ZSCAN1: variants seen among roughly 807,000 people sequenced by gnomAD.
The protein encoded by ZSCAN1 is zinc finger and SCAN domain-containing protein 1.
ZSCAN1 carries 23 observed loss-of-function variants against 23.8 expected under a neutral mutation model. The observed-to-expected ratio is 0.97, with a 90% CI of 0.70 to 1.37. ZSCAN1 has a LOEUF of 1.37. ZSCAN1 is among the 40% of genes most tolerant of loss of function. The pLI is 0.00. For missense variants in ZSCAN1, 575 were observed against 554.0 expected, an observed-to-expected ratio of 1.04 and a Z score of -0.38; for synonymous variants, 236 against 232.3, an observed-to-expected ratio of 1.02 and a Z score of -0.15.
At chr19:58,038,550 C>A (rs897857238) in intron 3 of ZSCAN1, 1 of 547,972 alleles carries the variant, frequency 1.8e-6, no homozygotes, top group South Asian at 2.6e-5. Context: ...CCTCCTGCAA[C>A]ACTCAGGAAT....
chr19:58,045,302 A>G lies in ZSCAN1; in HGVS notation c.465+4758A>G. 4 of 792,228 alleles carry G rather than the reference A, an allele frequency of 5.0e-6. No homozygotes were observed. The highest frequency in any genetic ancestry group is 1.3e-5 in the South Asian group (1 of 74,832). 49.1% of individuals were successfully genotyped at this position (792,228 alleles called of 1,614,324 possible). A position where few individuals can be genotyped will look rare whatever the true frequency, so the allele number is the denominator to read the frequency against. On this transcript the variant is annotated intron_variant, in intron 4 of 5. Coordinates refer to ENST00000282326, the MANE Select transcript of ZSCAN1 (RefSeq NM_182572.4). The surrounding 1 kb of genome is among the most constrained non-coding windows in gnomAD (Gnocchi z 4.3). ...TCTTCCCCAACATGTTGCCATCCAC[A>G]TCCGAGACTCAGTCCATCAAGGAGA...
chr19:58,046,666 G>A (rs1220427184), intron 4 of ZSCAN1: 14 of 875,362 alleles, frequency 1.6e-5, no homozygotes, highest in Non-Finnish European at 2.6e-5. Context: ...AGATGTTCAC[G>A]TCTCCACCAG....
intron 4 of ZSCAN1, among the ~76,000 whole-genome samples, chr19:58,041,620 C>A (rs2073790337): frequency 6.6e-6 from 1 of 152,222 alleles, no homozygotes; most frequent in African/African-American, 2.4e-5. Flanking sequence ...GTAATCCCAG[C>A]ACTTTGAGTG....
intron 4 of ZSCAN1, among the ~76,000 whole-genome samples, chr19:58,042,033 A>G (rs1351890600): frequency 6.6e-6 from 1 of 152,234 alleles, no homozygotes; most frequent in Admixed American, 6.5e-5. Context: ...AGGAAGAGGA[A>G]CAGGCTATGA....
At position 58,053,542 on chromosome 19, in the gene ZSCAN1, G is replaced by C; in HGVS notation, c.718G>C (p.Gly240Arg). 6.2e-7 allele frequency: 1 copy of C among 1,614,152 alleles called. No homozygotes were observed. The highest frequency in any genetic ancestry group is 8.5e-7 in the Non-Finnish European group (1 of 1,180,030). ...AEGTVISSPKGPSAQRISPRR... is the reference protein window; with the variant it reads ...AEGTVISSPKRPSAQRISPRR... The stretch of plus-strand genomic sequence containing the variant: ...AGGGACTGTGATCTCGAGCCCCAAG[G>C]GTCCAAGTGCTCAGAGAATCAGTCC... The change falls in exon 6 of 6, where the codon GGT becomes CGT. Residue 240 changes from glycine (G) to arginine (R), a missense_variant. Physicochemically the swap from Gly to Arg is moderately radical, Grantham distance 125. Transcript: ENST00000282326. This position sits in a 1 kb window ranked among gnomAD's most constrained non-coding sequence, Gnocchi z 5.8.
At position 58,053,427 on chromosome 19, in the gene ZSCAN1, A is replaced by G. The variant is rs768870699; in HGVS notation, c.605-2A>G. On this transcript the variant is annotated splice_acceptor_variant, in intron 5 of 5. Coordinates refer to ENST00000282326, the MANE Select transcript of ZSCAN1 (RefSeq NM_182572.4). LOFTEE classifies it high-confidence loss of function. This position sits in a 1 kb window ranked among gnomAD's most constrained non-coding sequence, Gnocchi z 5.8. ...GTGACCCATCTCCCTCGCCCTCCACAGGGTCCCGGGCCCGCTTGCCTCTGA... is the reference window on the plus strand; with the variant it reads ...GTGACCCATCTCCCTCGCCCTCCACGGGGTCCCGGGCCCGCTTGCCTCTGA... 1 of 1,605,762 alleles carries G rather than the reference A, an allele frequency of 6.2e-7. No homozygotes were observed. The highest frequency in any genetic ancestry group is 8.5e-7 in the Non-Finnish European group (1 of 1,174,162).
At chr19:58,043,687 T>C (rs956889741) in intron 4 of ZSCAN1, among the ~76,000 whole-genome samples, 5 of 152,098 alleles carry the variant, frequency 3.3e-5, no homozygotes, top group African/African-American at 7.2e-5. Context: ...TCTCACTCTG[T>C]CACCCAGGCT....
chr19:58,050,435 C>G (rs958978450), intron 4 of ZSCAN1, among the ~76,000 whole-genome samples: 1 of 152,014 alleles, frequency 6.6e-6, no homozygotes, highest in African/African-American at 2.4e-5. Context: ...GACCCTGTCT[C>G]TAAATAAATA....
In ZSCAN1 at chr19:58,045,209, C is replaced by T. The variant is rs946050432; in HGVS notation, c.465+4665C>T. The T allele has an allele frequency of 1.2e-6, 1 of 856,342 alleles. No individual in the cohort carries two copies. Among genetic ancestry groups the T allele is most frequent in the African/African-American group, 1.7e-5 (1 of 60,414 alleles). 53.0% of individuals were successfully genotyped at this position (856,342 alleles called of 1,614,324 possible). A position where few individuals can be genotyped will look rare whatever the true frequency, so the allele number is the denominator to read the frequency against. ...TCCGGTTCTGTGCCGACCTCTTCCG[C>T]CTGGTGCCGTTCCTCCTGTTCGTGG... On this transcript the variant is annotated intron_variant, in intron 4 of 5. Transcript: ENST00000282326. This position sits in a 1 kb window ranked among gnomAD's most constrained non-coding sequence, Gnocchi z 4.3.
chr19:58,055,407 G>A (rs371980736), downstream of ZSCAN1, among the ~76,000 whole-genome samples: 1 of 152,148 alleles, frequency 6.6e-6, no homozygotes, highest in African/African-American at 2.4e-5. Flanking sequence ...CTTGCTTCCC[G>A]GCTCCCTCAG....
chr19:58,039,923 G>A (rs1441261057), intron 3 of ZSCAN1, among the ~76,000 whole-genome samples: 1 of 152,128 alleles, frequency 6.6e-6, no homozygotes, highest in African/African-American at 2.4e-5. Context: ...TAAATAGGGG[G>A]GGGTCTTGCT....
chr19:58,037,269 TA>T (rs951589584), intron 2 of ZSCAN1, among the ~76,000 whole-genome samples: 20 of 152,194 alleles, frequency 1.3e-4, no homozygotes, highest in African/African-American at 4.6e-4. Flanking sequence ...AGAGAATCTT[TA>T]CATCCCTGTA....
In ZSCAN1 at chr19:58,044,558, G is replaced by T; in HGVS notation, c.465+4014G>T. Reference sequence around the variant, plus strand: ...GGAGAAGGAGGAGGAGCCAGCGCAGGAGGCCCGAGCGGCCGCCACGCCCGG... The same window carrying T: ...GGAGAAGGAGGAGGAGCCAGCGCAGTAGGCCCGAGCGGCCGCCACGCCCGG... On this transcript the variant is annotated intron_variant, in intron 4 of 5. Coordinates refer to ENST00000282326, the MANE Select transcript of ZSCAN1 (RefSeq NM_182572.4). 7 of 596,874 alleles carry T rather than the reference G, an allele frequency of 1.2e-5. No homozygotes were observed. In the South Asian group the frequency reaches 1.5e-4, roughly 12 times the overall value. 37.0% of individuals were successfully genotyped at this position (596,874 alleles called of 1,614,324 possible).
chr19:58,045,768 G>A lies in ZSCAN1; in HGVS notation c.465+5224G>A. Reference sequence around the variant, plus strand: ...ACCTGAGGGGCCAGCTGAAGCAGTGGCTGGACCTGCACCTGCATCAGGAGA... The same window carrying A: ...ACCTGAGGGGCCAGCTGAAGCAGTGACTGGACCTGCACCTGCATCAGGAGA... On this transcript the variant is annotated intron_variant, in intron 4 of 5. Coordinates refer to ENST00000282326, the MANE Select transcript of ZSCAN1 (RefSeq NM_182572.4). The surrounding 1 kb of genome is among the most constrained non-coding windows in gnomAD (Gnocchi z 4.3). 1 of 1,546,134 alleles carries A rather than the reference G, an allele frequency of 6.5e-7. No individual in the cohort carries two copies. The highest frequency in any genetic ancestry group is 8.9e-7 in the Non-Finnish European group (1 of 1,119,096).
intron 4 of ZSCAN1, among the ~76,000 whole-genome samples, chr19:58,050,634 C>T (rs1478270177): frequency 6.6e-6 from 1 of 151,630 alleles, no homozygotes; most frequent in Non-Finnish European, 1.5e-5. Context: ...GATTCTCCTG[C>T]CTCAGCCTCC....
Position 58,045,930 on chromosome 19 carries a change from G to T in ZSCAN1, c.465+5386G>T. ...AAGCACAGGTGAAAGTGGCCGAGGT[G>T]GAGGGCAAGCAGGTGGACAAGGCCA... On this transcript the variant is annotated intron_variant, in intron 4 of 5. Transcript: ENST00000282326. This position sits in a 1 kb window ranked among gnomAD's most constrained non-coding sequence, Gnocchi z 4.3. The T allele has an allele frequency of 2.2e-6, 2 of 918,288 alleles. No homozygotes were observed. Among genetic ancestry groups the T allele is most frequent in the Non-Finnish European group, 3.6e-6 (2 of 555,558 alleles). 56.9% of individuals were successfully genotyped at this position (918,288 alleles called of 1,614,324 possible).
At chr19:58,048,086 T>A (rs1475593202) in intron 4 of ZSCAN1, among the ~76,000 whole-genome samples, 1 of 152,240 alleles carries the variant, frequency 6.6e-6, no homozygotes, top group Non-Finnish European at 1.5e-5. Flanking sequence ...CTCCATTACT[T>A]GAAGCTTCTT....
rs200190736 is a variant in ZSCAN1 at position 58,053,882 on chromosome 19, G to A, written c.1058G>A (p.Arg353Gln). Reference sequence around the variant, plus strand: ...GAGCCACCGAGGAAGAAAGCCCCCCGGAGCAAGGGCCCCCGGGAGTCCGTC... The same window carrying A: ...GAGCCACCGAGGAAGAAAGCCCCCCAGAGCAAGGGCCCCCGGGAGTCCGTC... ...LLEPPRKKAP[R>Q]SKGPRESVPP... The change falls in exon 6 of 6, where the codon CGG becomes CAG. Residue 353 changes from arginine to glutamine, a missense_variant. Coordinates refer to ENST00000282326, the MANE Select transcript of ZSCAN1 (RefSeq NM_182572.4). This position sits in a 1 kb window ranked among gnomAD's most constrained non-coding sequence, Gnocchi z 5.8. 4.6e-5 allele frequency: 74 copies of A among 1,613,604 alleles called. No individual in the cohort carries two copies. Among genetic ancestry groups the A allele is most frequent in the East Asian group, 1.8e-4 (8 of 44,860 alleles).
chr19:58,049,165 G>T lies in ZSCAN1; in HGVS notation c.466-3325G>T, dbSNP rs370641706. ...GGGGTTCTTTCCCTTTTCAAGCTTT[G>T]GCTCTTTGCAGCAGGGGTGGGGGGT... On this transcript the variant is annotated intron_variant, in intron 4 of 5. Transcript: ENST00000282326. The surrounding 1 kb of genome is among the most constrained non-coding windows in gnomAD (Gnocchi z 4.5). The T allele has an allele frequency of 2.1e-4, 33 of 156,640 alleles. No individual in the cohort carries two copies. In the South Asian group the frequency reaches 5.7e-3, roughly 27 times the overall value. The allele number at this position is 156,640 out of a possible 1,614,324, so 9.7% of individuals were successfully genotyped here.
Sources: allele counts gnomAD v4.1 joint callset (sites outside exome capture counted in the v4.1 genomes callset), GRCh38; gene constraint gnomAD v4.1.1; non-coding constraint Gnocchi (gnomAD v3.1); transcripts MANE v1.5; gene names NCBI Gene and HGNC (gene_info 2026-07-23, HGNC 2026-07-21).